The following MAPKAPK3 variants were observed in gnomAD, a reference collection of about 807,000 sequenced individuals.
MAPKAPK3 encodes MAPK activated protein kinase 3.
A neutral mutation model predicts 49.2 loss-of-function variants in MAPKAPK3; 35 were observed. That is an observed-to-expected ratio of 0.71 (90% CI 0.54 to 0.94). The LOEUF is 0.94. Ranked by LOEUF, MAPKAPK3 falls within the 40% of genes least tolerant of loss-of-function variation. The pLI is 0.00. For missense variants in MAPKAPK3, 398 were observed against 493.1 expected, an observed-to-expected ratio of 0.81 and a Z score of 1.83; for synonymous variants, 178 against 188.7, an observed-to-expected ratio of 0.94 and a Z score of 0.46.
At chr3:50,642,882 C>T (rs1415349453) in intron 5 of MAPKAPK3, among the ~76,000 whole-genome samples, 1 of 152,146 alleles carries the variant, frequency 6.6e-6, no homozygotes. Context: ...GACAGAGTCT[C>T]ACTCTGTCAC....
rs2033315509 is a variant in MAPKAPK3 at position 50,646,990 on chromosome 3, C to T, written c.916-133C>T. 19 of 1,026,246 alleles carry T rather than the reference C, an allele frequency of 1.9e-5. No homozygotes were observed. The Admixed American group carries it at 2.1e-4, about 12-fold the overall frequency. The allele number at this position is 1,026,246 out of a possible 1,614,324, so 63.6% of individuals were successfully genotyped here. A position where few individuals can be genotyped will look rare whatever the true frequency, so the allele number is the denominator to read the frequency against. On this transcript the variant is annotated intron_variant, in intron 9 of 10. Transcript: ENST00000621469. ...CCTACAACCTGGCTTTGTCACTGCC[C>T]TAGTGAGGCTCCTTCCCCACCCTGA... is the stretch of plus-strand genomic sequence containing the variant.
chr3:50,615,854 C>T (rs886549261), upstream of MAPKAPK3, among the ~76,000 whole-genome samples: 6 of 152,224 alleles, frequency 3.9e-5, no homozygotes, highest in Non-Finnish European at 7.3e-5. Context: ...CAGTGGGTAC[C>T]CACTAATAAG....
At chr3:50,647,826 G>C (rs2033340812) in intron 10 of MAPKAPK3, 68 bp from the exon 11 acceptor site, 8 of 1,472,106 alleles carry the variant, frequency 5.4e-6, no homozygotes, top group Non-Finnish European at 7.4e-6. Flanking sequence ...TGCCCAGGCA[G>C]GGGGGTGATG....
chr3:50,628,602 T>C (rs1202596973), intron 2 of MAPKAPK3, among the ~76,000 whole-genome samples: 1 of 152,130 alleles, frequency 6.6e-6, no homozygotes, highest in Non-Finnish European at 1.5e-5. Context: ...ATCTTCTGAG[T>C]ATGTACTCAG....
chr3:50,623,354 T>TG (rs1054639808), intron 2 of MAPKAPK3, among the ~76,000 whole-genome samples: 2 of 152,172 alleles, frequency 1.3e-5, no homozygotes, highest in Non-Finnish European at 2.9e-5. Context: ...ATGCAAATAG[T>TG]GGAATTTTAG....
chr3:50,621,782 A>G (rs1167166551), intron 2 of MAPKAPK3, among the ~76,000 whole-genome samples: 1 of 152,160 alleles, frequency 6.6e-6, no homozygotes, highest in Non-Finnish European at 1.5e-5. Flanking sequence ...AAAAATTGAA[A>G]GAAAGAAAAG....
chr3:50,629,564 C>T (rs2107583443), intron 2 of MAPKAPK3, among the ~76,000 whole-genome samples: 1 of 152,288 alleles, frequency 6.6e-6, no homozygotes, highest in Admixed American at 6.5e-5. Context: ...CTGTGAGGCT[C>T]AGAGAGGCTG....
At chr3:50,611,780 G>A (rs569849570), upstream of MAPKAPK3, 36 of 1,273,000 alleles carry the variant, frequency 2.8e-5, no homozygotes, top group African/African-American at 3.6e-4. Context: ...GGACTGAGAG[G>A]CAGTGGCGCG....
intron 2 of MAPKAPK3, among the ~76,000 whole-genome samples, chr3:50,623,504 T>C (rs1019659655): frequency 6.6e-6 from 1 of 152,212 alleles, no homozygotes; most frequent in Non-Finnish European, 1.5e-5. Flanking sequence ...ATCTAGGAAC[T>C]GATGCCAGCT....
chr3:50,611,729 G>A (rs1454010306), upstream of MAPKAPK3: 3 of 1,419,266 alleles, frequency 2.1e-6, no homozygotes, highest in African/African-American at 3.0e-5. Context: ...GGCGCGGAGC[G>A]CGTGCTGGGT....
chr3:50,611,734 C>A, upstream of MAPKAPK3: 1 of 1,405,084 alleles, frequency 7.1e-7, no homozygotes. Context: ...GGAGCGCGTG[C>A]TGGGTAGGCT....
chr3:50,638,773 C>T (rs1340047160), intron 2 of MAPKAPK3, among the ~76,000 whole-genome samples: 1 of 152,214 alleles, frequency 6.6e-6, no homozygotes. Flanking sequence ...GAGCCTGCCC[C>T]TAACAGTGCC....
intron 2 of MAPKAPK3, among the ~76,000 whole-genome samples, chr3:50,626,465 C>A (rs1345129301): frequency 6.6e-6 from 1 of 152,198 alleles, no homozygotes; most frequent in Non-Finnish European, 1.5e-5. Flanking sequence ...CATTCAGGGG[C>A]CTGAGGGACC....
intron 6 of MAPKAPK3, among the ~76,000 whole-genome samples, chr3:50,645,092 G>T (rs746307489): frequency 5.0e-4 from 76 of 152,290 alleles, no homozygotes; most frequent in Non-Finnish European, 9.6e-4. Context: ...AGAGTGGGGT[G>T]ATGACAGAGG....
chr3:50,648,178 T>A lies in MAPKAPK3; in HGVS notation c.*132T>A. The A allele has an allele frequency of 1.0e-6, 1 of 1,004,408 alleles. No homozygotes were observed. The highest frequency in any genetic ancestry group is 1.4e-6 in the Non-Finnish European group (1 of 698,482). The allele number at this position is 1,004,408 out of a possible 1,614,324, so 62.2% of individuals were successfully genotyped here. ...ATTTTGTTGTGTTTTAATTTGTCAC[T>A]CGGAACTTCAGGATGGAGGACCCTG... is the stretch of plus-strand genomic sequence containing the variant. On this transcript the variant is annotated 3_prime_UTR_variant, in exon 11 of 11. Transcript: ENST00000621469.
At chr3:50,628,803 G>A (rs929224629) in intron 2 of MAPKAPK3, among the ~76,000 whole-genome samples, 4 of 152,198 alleles carry the variant, frequency 2.6e-5, no homozygotes, top group African/African-American at 9.7e-5. Flanking sequence ...TAACACAGGA[G>A]CCATGTGGGA....
rs187957031 is a variant in MAPKAPK3, at chr3:50,633,072, G to A, written c.220-7294G>A. On this transcript the variant is annotated intron_variant, in intron 2 of 10. Transcript: ENST00000621469. Reference sequence around the variant, plus strand: ...TTTCTAGTTCTGGGCAACAAGAAATGTTAGGCCCTGCCATGGTGACCAGTG... The same window carrying A: ...TTTCTAGTTCTGGGCAACAAGAAATATTAGGCCCTGCCATGGTGACCAGTG... Among the ~76,000 whole-genome samples the A allele has an allele frequency of 5.2e-4, 46 of 88,400 alleles. No individual in the cohort carries two copies. In the Admixed American group the frequency reaches 6.1e-3, roughly 12 times the overall value. 58.0% of individuals were successfully genotyped at this position (88,400 alleles called of 152,430 possible). A position where few individuals can be genotyped will look rare whatever the true frequency, so the allele number is the denominator to read the frequency against.
intron 2 of MAPKAPK3, among the ~76,000 whole-genome samples, chr3:50,628,327 C>T (rs910357851): frequency 2.0e-5 from 3 of 152,194 alleles, no homozygotes; most frequent in Admixed American, 2.0e-4. Flanking sequence ...ATCACTGCCA[C>T]ACAACTGGCC....
At chr3:50,646,412 T>A in intron 8 of MAPKAPK3, 148 bp downstream of exon 8, 1 of 1,126,332 alleles carries the variant, frequency 8.9e-7, no homozygotes, top group South Asian at 1.4e-5. Flanking sequence ...TCCCCTAACC[T>A]TCTTGAGCCT....
Sources: allele counts gnomAD v4.1 joint callset (sites outside exome capture counted in the v4.1 genomes callset), GRCh38; gene constraint gnomAD v4.1.1; transcripts MANE v1.5; gene names NCBI Gene and HGNC (gene_info 2026-07-23, HGNC 2026-07-21).